Variants in MANF observed in about 807,000 individuals in gnomAD.
MANF encodes mesencephalic astrocyte derived neurotrophic factor.
Under a neutral mutation model 19.1 loss-of-function variants are expected in MANF, and 9 were observed. The ratio of observed to expected loss-of-function variants is 0.47; its 90% CI spans 0.28 to 0.82. The LOEUF is 0.82. MANF is among the 40% of genes least tolerant of loss of function. MANF has a pLI of 0.10. For missense variants in MANF, 225 were observed against 226.7 expected (o/e 0.99, Z 0.05); for synonymous variants, 89 against 88.0 (o/e 1.01, Z -0.06).
Position 51,385,329 on chromosome 3 carries a change from G to GGAGGAGGAGGAT in MANF, c.-9_-8insGGAGGATGAGGA, listed in dbSNP as rs2088930668. 2 of 1,102,120 alleles carry GGAGGAGGAGGAT rather than the reference G, an allele frequency of 1.8e-6. No individual in the cohort carries two copies. Among genetic ancestry groups the GGAGGAGGAGGAT allele is most frequent in the East Asian group, 3.3e-5 (1 of 30,452 alleles). 68.3% of individuals were successfully genotyped at this position (1,102,120 alleles called of 1,614,324 possible). The stretch of plus-strand genomic sequence containing the variant: ...CGGCAGCGGAGGAGGAGGAGGAGGA[G>GGAGGAGGAGGAT]GAGGATGAGGAGGATGAGGAGGATG... On this transcript the variant is annotated 5_prime_UTR_variant, in exon 1 of 4. It adds an upstream start codon to the 5' untranslated region. Coordinates refer to ENST00000528157, the MANE Select transcript of MANF (RefSeq NM_006010.6).
chr3:51,389,052 A>G lies in MANF; in HGVS notation c.512A>G (p.Tyr171Cys). 1.9e-6 allele frequency: 3 copies of G among 1,612,896 alleles called. No individual in the cohort carries two copies. Among genetic ancestry groups the G allele is most frequent in the Non-Finnish European group, 2.5e-6 (3 of 1,179,410 alleles). Reference sequence around the variant, plus strand: ...AAGATAAATGAACTGATGCCTAAATATGCCCCCAAGGCAGCCAGTGCACGG... The same window carrying G: ...AAGATAAATGAACTGATGCCTAAATGTGCCCCCAAGGCAGCCAGTGCACGG... The part of the protein sequence containing the change: ...IRKINELMPK[Y>C]APKAASARTD... The change falls in exon 4 of 4, where the codon TAT (tyrosine) becomes TGT (cysteine). Residue 171 changes from tyrosine to cysteine, a missense_variant. Transcript: ENST00000528157.
rs1390818707 is a variant in MANF, at chr3:51,389,333, T to A, written c.*244T>A. On this transcript the variant is annotated 3_prime_UTR_variant, in exon 4 of 4. Transcript: ENST00000528157. ...GGATTTTTTTATTAAAGAAAAAAAA[T>A]TTCTAGCTGTCCTTGCAGAATTATA... 1.8e-5 allele frequency: 8 copies of A among 440,774 alleles called. No homozygotes were observed. Among genetic ancestry groups the A allele is most frequent in the African/African-American group, 1.2e-4 (6 of 48,406 alleles). The allele number at this position is 440,774 out of a possible 1,614,324, so 27.3% of individuals were successfully genotyped here.
chr3:51,387,139 G>C, intron 2 of MANF: 1 of 339,066 alleles, frequency 2.9e-6, no homozygotes, highest in Non-Finnish European at 5.9e-6. Flanking sequence ...CCTGGGCAAA[G>C]TGGTGAAATC....
Position 51,385,923 on chromosome 3 carries a change from C to T in MANF, c.95-285C>T, listed in dbSNP as rs529373800. The stretch of plus-strand genomic sequence containing the variant: ...CACAGTGAGTCCCGTCTCAAGGACA[C>T]GTGTTCACCATGGGCTTAAACTTGA... On this transcript the variant is annotated intron_variant, in intron 1 of 3. Coordinates refer to ENST00000528157, the MANE Select transcript of MANF (RefSeq NM_006010.6). 3.7e-4 allele frequency: 143 copies of T among 390,400 alleles called. 1 individual carries two copies. Among genetic ancestry groups the T allele is most frequent in the Non-Finnish European group, 5.7e-4 (124 of 216,050 alleles). 24.2% of individuals were successfully genotyped at this position (390,400 alleles called of 1,614,324 possible). A position where few individuals can be genotyped will look rare whatever the true frequency, so the allele number is the denominator to read the frequency against.
Position 51,386,319 on chromosome 3 carries a change from G to T in MANF, c.206G>T (p.Gly69Val). The change falls in exon 2 of 4, where the codon GGC becomes GTC. Residue 69 changes from glycine to valine, a missense_variant. By Grantham distance (109) the Gly-to-Val change is moderately radical. Transcript: ENST00000528157. ...ATAAAGTTCTGCCGGGAAGCAAGAGGCAAAGAGAATCGGTTGGTAAGTAGC... is the reference window on the plus strand; with the variant it reads ...ATAAAGTTCTGCCGGGAAGCAAGAGTCAAAGAGAATCGGTTGGTAAGTAGC... ...ELIKFCREAR[G>V]KENRLCYYIG... is the part of the protein sequence containing the mutation. 1 of 1,613,886 alleles carries T rather than the reference G, an allele frequency of 6.2e-7. No homozygotes were observed. Among genetic ancestry groups the T allele is most frequent in the African/African-American group, 1.3e-5 (1 of 75,040 alleles).
intron 2 of MANF, chr3:51,386,920 G>C (rs782801809): frequency 1.8e-5 from 8 of 456,638 alleles, no homozygotes; most frequent in South Asian, 1.1e-4. Context: ...TTTGAACCCT[G>C]GTGACACTTA....
Position 51,387,631 on chromosome 3 carries a change from AAC to A in MANF, c.223-102_223-101del. 3.6e-6 allele frequency: 4 copies of A among 1,125,784 alleles called. No individual in the cohort carries two copies. In the South Asian group the frequency reaches 5.9e-5, roughly 17 times the overall value. 69.7% of individuals were successfully genotyped at this position (1,125,784 alleles called of 1,614,324 possible). On this transcript the variant is annotated intron_variant, in intron 2 of 3. Transcript: ENST00000528157. ...TGGGTGACAGGGAGCCCTATCTCAA[AAC>A]ACAAGTAAGGCCCTACAGAGAGATG...
chr3:51,387,885 A>T lies in MANF; in HGVS notation c.364+7A>T. The T allele has an allele frequency of 1.2e-6, 2 of 1,613,290 alleles. No homozygotes were observed. Among genetic ancestry groups the T allele is most frequent in the Non-Finnish European group, 1.7e-6 (2 of 1,179,448 alleles). ...ATATGTGAGCTTAAGTATGGTGAGTATGCCTAGTCCTTTCTTAATGAATGC... is the reference window on the plus strand; with the variant it reads ...ATATGTGAGCTTAAGTATGGTGAGTTTGCCTAGTCCTTTCTTAATGAATGC... On this transcript the variant is annotated splice_region_variant and intron_variant, in intron 3 of 3. Transcript: ENST00000528157.
Position 51,389,114 on chromosome 3 carries a change from A to AG in MANF, c.*30dup. 3.1e-6 allele frequency: 5 copies of AG among 1,595,042 alleles called. No individual in the cohort carries two copies. Among genetic ancestry groups the AG allele is most frequent in the Non-Finnish European group, 4.3e-6 (5 of 1,172,636 alleles). On this transcript the variant is annotated 3_prime_UTR_variant, in exon 4 of 4. Coordinates refer to ENST00000528157, the MANE Select transcript of MANF (RefSeq NM_006010.6). ...GTCTGCTCAATCTCTGTTGCACCTG[A>AG]GGGGGAAAAAACAGTTCAACTGCTT...
At chr3:51,387,166 A>T in intron 2 of MANF, 1 of 323,302 alleles carries the variant, frequency 3.1e-6, no homozygotes, top group Non-Finnish European at 6.2e-6. Flanking sequence ...GCACAAAAAA[A>T]TTTTTAGGCT....
chr3:51,385,956 A>G (rs1473541738), intron 1 of MANF: 2 of 496,786 alleles, frequency 4.0e-6, no homozygotes, highest in Admixed American at 3.5e-5. Flanking sequence ...TGATGAAAGG[A>G]GCAGGGAGAA....
At position 51,385,401 on chromosome 3, in the gene MANF, C is replaced by G. The variant is rs868972658; in HGVS notation, c.59C>G (p.Pro20Arg). 6 of 1,237,534 alleles carry G rather than the reference C, an allele frequency of 4.8e-6. No homozygotes were observed. Among genetic ancestry groups the G allele is most frequent in the African/African-American group, 1.6e-5 (1 of 64,248 alleles). 76.7% of individuals were successfully genotyped at this position (1,237,534 alleles called of 1,614,324 possible). A position where few individuals can be genotyped will look rare whatever the true frequency, so the allele number is the denominator to read the frequency against. ...LAVALALSVL[P>R]GSRALRPGDC... ...GTGGCGCTGGCTCTGAGCGTGCTGC[C>G]GGGCAGCCGGGCGCTGCGGCCGGGC... The change falls in exon 1 of 4, where the codon CCG (proline) becomes CGG (arginine). Residue 20 changes from proline (P) to arginine (R), a missense_variant. Coordinates refer to ENST00000528157, the MANE Select transcript of MANF (RefSeq NM_006010.6).
Position 51,385,329 on chromosome 3 carries a change from G to GGAGGAA in MANF, c.-9_-8insAGAGGA, listed in dbSNP as rs2088930668. ...CGGCAGCGGAGGAGGAGGAGGAGGA[G>GGAGGAA]GAGGATGAGGAGGATGAGGAGGATG... On this transcript the variant is annotated 5_prime_UTR_variant, in exon 1 of 4. The change creates a new upstream start codon in the 5' untranslated region. Transcript: ENST00000528157. The GGAGGAA allele has an allele frequency of 9.1e-7, 1 of 1,099,434 alleles. No individual in the cohort carries two copies. Among genetic ancestry groups the GGAGGAA allele is most frequent in the Admixed American group, 4.4e-5 (1 of 22,798 alleles). The allele number at this position is 1,099,434 out of a possible 1,614,324, so 68.1% of individuals were successfully genotyped here.
Position 51,385,337 on chromosome 3 carries a change from A to AGGAGGATGAGGAGGATGT in MANF, c.-3_15dup, listed in dbSNP as rs1163365289. On this transcript the variant is annotated 5_prime_UTR_variant, in exon 1 of 4. In the 5' UTR this introduces an upstream ATG that the reference lacks. Coordinates refer to ENST00000528157, the MANE Select transcript of MANF (RefSeq NM_006010.6). Reference sequence around the variant, plus strand: ...GAGGAGGAGGAGGAGGAGGAGGATGAGGAGGATGAGGAGGATGTGGGCCAC... The same window carrying AGGAGGATGAGGAGGATGT: ...GAGGAGGAGGAGGAGGAGGAGGATGAGGAGGATGAGGAGGATGTGGAGGATGAGGAGGATGTGGGCCAC... 2 of 1,231,478 alleles carry AGGAGGATGAGGAGGATGT rather than the reference A, an allele frequency of 1.6e-6. No homozygotes were observed. Among genetic ancestry groups the AGGAGGATGAGGAGGATGT allele is most frequent in the Admixed American group, 4.2e-5 (1 of 23,664 alleles). The allele number at this position is 1,231,478 out of a possible 1,614,324, so 76.3% of individuals were successfully genotyped here. A position where few individuals can be genotyped will look rare whatever the true frequency, so the allele number is the denominator to read the frequency against.
chr3:51,386,738 AGT>A (rs1346940739), intron 2 of MANF, among the ~76,000 whole-genome samples: 1 of 152,234 alleles, frequency 6.6e-6, no homozygotes, highest in Non-Finnish European at 1.5e-5. Flanking sequence ...AGGGAACAGC[AGT>A]GTGAGTGCCC....
intron 3 of MANF, among the ~76,000 whole-genome samples, chr3:51,388,699 T>TA (rs1457780710): frequency 6.6e-6 from 1 of 152,212 alleles, no homozygotes; most frequent in Non-Finnish European, 1.5e-5. Flanking sequence ...GTAGACATAA[T>TA]ATGTAGCCAG....
intron 2 of MANF, chr3:51,386,761 A>G: frequency 2.4e-6 from 1 of 418,472 alleles, no homozygotes; most frequent in South Asian, 1.8e-5. Context: ...AGAGGCCTGA[A>G]AGAGTGTGGC....
intron 1 of MANF, chr3:51,385,889 TTA>T (rs1553620804): frequency 3.4e-6 from 1 of 296,124 alleles, no homozygotes; most frequent in East Asian, 6.4e-5. Flanking sequence ...GTCTCTCCAT[TTA>T]TGAGGTCACA....
At chr3:51,387,699 A>T (rs367941757) in intron 2 of MANF, 38 bp from the exon 3 acceptor site, 1 of 1,597,386 alleles carries the variant, frequency 6.3e-7, no homozygotes. Flanking sequence ...GATGGCTCTC[A>T]AGCACCTCCT....
Sources: gnomAD v4.1 joint callset for allele counts (sites outside exome capture counted in the v4.1 genomes callset) on GRCh38, gnomAD v4.1.1 for gene constraint, MANE v1.5 for transcripts, NCBI Gene and HGNC (gene_info 2026-07-23, HGNC 2026-07-21) for gene names.